The following PDSS2 variants were observed in gnomAD, a reference collection of about 807,000 sequenced individuals.
PDSS2 encodes all trans-polyprenyl-diphosphate synthase PDSS2.
In PDSS2, 31 loss-of-function variants were observed where a neutral mutation model predicts 44.5. The ratio of observed to expected loss-of-function variants is 0.70; its 90% CI spans 0.52 to 0.94. PDSS2 has a LOEUF of 0.94. Ranked by LOEUF, PDSS2 falls within the 40% of genes least tolerant of loss-of-function variation. PDSS2 has a pLI of 0.00. For synonymous variants in PDSS2, 157 were observed against 180.3 expected (o/e 0.87, Z 1.03); for missense variants, 452 against 482.2 (o/e 0.94, Z 0.59).
chr6:107,333,333 T>C (rs1170383603), intron 2 of PDSS2, among the ~76,000 whole-genome samples: 2 of 152,212 alleles, frequency 1.3e-5, no homozygotes, highest in African/African-American at 2.4e-5. Context: ...ACTAAAAATA[T>C]ATCCAGTGAT....
chr6:107,231,276 A>G (rs9320208), intron 4 of PDSS2, among the ~76,000 whole-genome samples: 43,609 of 152,088 alleles, frequency 0.29, 6,578 homozygotes, highest in East Asian at 0.39. Flanking sequence ...TAGCATCAAA[A>G]TAAAAGACTG....
chr6:107,222,742 T>C (rs1773652108), intron 4 of PDSS2, among the ~76,000 whole-genome samples: 1 of 151,870 alleles, frequency 6.6e-6, no homozygotes, highest in African/African-American at 2.4e-5. Context: ...CTCAGAAGTA[T>C]AGCAATTGGA....
At chr6:107,340,168 T>C (rs1431124947) in intron 1 of PDSS2, among the ~76,000 whole-genome samples, 1 of 152,198 alleles carries the variant, frequency 6.6e-6, no homozygotes, top group East Asian at 1.9e-4. Context: ...AATATAGGCA[T>C]ATCACTAATT....
At chr6:107,321,974 T>C (rs750709473) in intron 2 of PDSS2, among the ~76,000 whole-genome samples, 1 of 152,194 alleles carries the variant, frequency 6.6e-6, no homozygotes, top group Non-Finnish European at 1.5e-5. Flanking sequence ...CCTTGATCAC[T>C]ACTTTCTCTC....
At chr6:107,340,466 T>A (rs537277655) in intron 1 of PDSS2, among the ~76,000 whole-genome samples, 4 of 152,370 alleles carry the variant, frequency 2.6e-5, no homozygotes, top group African/African-American at 9.6e-5. Flanking sequence ...CAATCCTGTA[T>A]TAGATCCTCA....
intron 3 of PDSS2, among the ~76,000 whole-genome samples, chr6:107,255,105 G>A (rs553596151): frequency 6.6e-6 from 1 of 151,320 alleles, no homozygotes; most frequent in South Asian, 2.1e-4. Flanking sequence ...TCCTGACTTT[G>A]TATTCCCAAA....
chr6:107,434,882 T>TATAC (rs1781301004), intron 1 of PDSS2, among the ~76,000 whole-genome samples: 1 of 152,116 alleles, frequency 6.6e-6, no homozygotes, highest in Non-Finnish European at 1.5e-5. Context: ...TGTGTATATA[T>TATAC]ATACATATAT....
At chr6:107,210,646 C>T (rs1773166976) in intron 5 of PDSS2, 76 bp from the exon 6 acceptor site, 4 of 946,016 alleles carry the variant, frequency 4.2e-6, no homozygotes, top group Non-Finnish European at 6.8e-6. Flanking sequence ...TCAGAAAGTA[C>T]CAGTTAATGC....
intron 1 of PDSS2, among the ~76,000 whole-genome samples, chr6:107,406,156 A>G (rs866741147): frequency 8.5e-5 from 13 of 152,304 alleles, no homozygotes; most frequent in African/African-American, 3.1e-4. Flanking sequence ...TCTTCTATTA[A>G]TAATATAGTC....
intron 2 of PDSS2, among the ~76,000 whole-genome samples, chr6:107,283,154 A>G (rs761482518): frequency 7.3e-5 from 11 of 151,512 alleles, no homozygotes; most frequent in Non-Finnish European, 1.6e-4. Context: ...CCTCATCTCA[A>G]TGAAAAATGA....
At chr6:107,310,186 G>A (rs1776990678) in intron 2 of PDSS2, among the ~76,000 whole-genome samples, 1 of 151,132 alleles carries the variant, frequency 6.6e-6, no homozygotes, top group African/African-American at 2.4e-5. Flanking sequence ...TCGGGAGGCT[G>A]AGGCAGGAGA....
At chr6:107,385,285 G>C (rs1779577450) in intron 1 of PDSS2, among the ~76,000 whole-genome samples, 1 of 151,648 alleles carries the variant, frequency 6.6e-6, no homozygotes, top group Admixed American at 6.6e-5. Context: ...AACTGTTTGA[G>C]CCCAGGAGTT....
intron 1 of PDSS2, among the ~76,000 whole-genome samples, chr6:107,401,268 T>C (rs1780097379): frequency 6.6e-6 from 1 of 152,152 alleles, no homozygotes; most frequent in Admixed American, 6.5e-5. Flanking sequence ...ACTGGTACAT[T>C]ACTACTACAA....
At chr6:107,162,494 C>CAAAAAA (rs374615595) in intron 7 of PDSS2, among the ~76,000 whole-genome samples, 2 of 58,604 alleles carry the variant, frequency 3.4e-5, no homozygotes, top group Non-Finnish European at 6.2e-5. Context: ...GAGACCATCT[C>CAAAAAA]AAAAAAAAAA....
intron 1 of PDSS2, among the ~76,000 whole-genome samples, chr6:107,453,108 C>T (rs1449324164): frequency 2.0e-5 from 3 of 151,244 alleles, no homozygotes; most frequent in South Asian, 2.1e-4. Flanking sequence ...CTTGCTCTGT[C>T]GCCCAAGCTG....
At chr6:107,201,359 G>A (rs925104475) in intron 6 of PDSS2, among the ~76,000 whole-genome samples, 1 of 103,622 alleles carries the variant, frequency 9.7e-6, no homozygotes, top group Non-Finnish European at 1.8e-5. Flanking sequence ...CAGCTATAGT[G>A]AACACTGTAA....
At chr6:107,244,583 G>A (rs138065137) in intron 4 of PDSS2, among the ~76,000 whole-genome samples, 4 of 152,292 alleles carry the variant, frequency 2.6e-5, no homozygotes, top group African/African-American at 7.2e-5. Context: ...TGAACCAAAC[G>A]TTGGCAGATG....
At chr6:107,337,308 C>T (rs923873180) in intron 1 of PDSS2, among the ~76,000 whole-genome samples, 1 of 152,100 alleles carries the variant, frequency 6.6e-6, no homozygotes, top group Non-Finnish European at 1.5e-5. Flanking sequence ...ATGACAGAGC[C>T]AGGATTTGAT....
chr6:107,396,750 G>A (rs185219515), intron 1 of PDSS2, among the ~76,000 whole-genome samples: 4 of 144,394 alleles, frequency 2.8e-5, no homozygotes, highest in Non-Finnish European at 6.0e-5. Flanking sequence ...GTGCAGTGGT[G>A]CAATCATAGC....
Sources: gnomAD v4.1 joint callset for allele counts (sites outside exome capture counted in the v4.1 genomes callset) on GRCh38, gnomAD v4.1.1 for gene constraint, MANE v1.5 for transcripts, NCBI Gene and HGNC (gene_info 2026-07-23, HGNC 2026-07-21) for gene names.